DLG2: variants seen among roughly 807,000 people sequenced by gnomAD.
DLG2 encodes discs large MAGUK scaffold protein 2.
Under a neutral mutation model 132.5 loss-of-function variants are expected in DLG2, and 45 were observed. The ratio of observed to expected loss-of-function variants is 0.34; its 90% CI spans 0.27 to 0.44. DLG2 has a LOEUF of 0.44. DLG2 is among the 20% of genes least tolerant of loss of function. The pLI is 1.00. For missense variants in DLG2, 1,045 were observed against 1,196.9 expected (o/e 0.87, Z 1.87); for synonymous variants, 424 against 419.6 (o/e 1.01, Z -0.13).
intron 6 of DLG2, among the ~76,000 whole-genome samples, chr11:84,859,277 T>C (rs1360611274): frequency 2.0e-5 from 3 of 149,174 alleles, no homozygotes; most frequent in Non-Finnish European, 3.0e-5. Context: ...GTTTTATATA[T>C]GTATATATGT....
intron 6 of DLG2, among the ~76,000 whole-genome samples, chr11:85,047,452 A>G (rs925843873): frequency 6.6e-6 from 1 of 152,118 alleles, no homozygotes; most frequent in Admixed American, 6.6e-5. Flanking sequence ...ACAATGATCA[A>G]TTTGACCTTT....
chr11:84,502,204 TTCCTTCCTTCCTTCCTTCCTTCC>T, intron 7 of DLG2, among the ~76,000 whole-genome samples: 1 of 5,276 alleles, frequency 1.9e-4, no homozygotes, highest in East Asian at 2.0e-3. Flanking sequence ...CTCTCTCTCC[TTCCTTCCTTCCTTCCTTCCTTCC>T]TTCCTTCCTT....
At chr11:83,664,548 G>T (rs759222038) in intron 18 of DLG2, among the ~76,000 whole-genome samples, 3 of 152,008 alleles carry the variant, frequency 2.0e-5, no homozygotes, top group Middle Eastern at 3.2e-3. Flanking sequence ...AGGAATGAAT[G>T]AGGTCATGGA....
chr11:84,855,512 C>T (rs1233895706), intron 6 of DLG2, among the ~76,000 whole-genome samples: 1 of 152,002 alleles, frequency 6.6e-6, no homozygotes, highest in Non-Finnish European at 1.5e-5. Context: ...TCAAAACTCT[C>T]CCATATTTCT....
chr11:85,314,047 A>G (rs1032046635), intron 3 of DLG2, among the ~76,000 whole-genome samples: 1 of 151,996 alleles, frequency 6.6e-6, no homozygotes, highest in Non-Finnish European at 1.5e-5. Context: ...AATGAAACAA[A>G]AAGTAAAGAA....
rs567213381 is a variant in DLG2 at position 84,205,476 on chromosome 11, T to C, written c.574-41965A>G. On this transcript the variant is annotated intron_variant, in intron 8 of 27. Coordinates refer to ENST00000376104, the MANE Select transcript of DLG2 (RefSeq NM_001142699.3). Reference sequence around the variant, plus strand: ...AAACACTCATCAAGTAAGACTACACTGGGCCATAAAACAAATCTCAATAAA... The same window carrying C: ...AAACACTCATCAAGTAAGACTACACCGGGCCATAAAACAAATCTCAATAAA... Among the ~76,000 whole-genome samples, 10 of 151,962 alleles carry C rather than the reference T, an allele frequency of 6.6e-5. 1 individual carries two copies. In the South Asian group the frequency reaches 2.1e-3, roughly 32 times the overall value.
At chr11:83,507,397 G>T in intron 21 of DLG2, among the ~76,000 whole-genome samples, 1 of 115,206 alleles carries the variant, frequency 8.7e-6, no homozygotes, top group South Asian at 2.6e-4. Context: ...AGAACAAATA[G>T]GATATATATA....
At chr11:84,333,188 G>T (rs1322886602) in intron 7 of DLG2, among the ~76,000 whole-genome samples, 2 of 152,204 alleles carry the variant, frequency 1.3e-5, no homozygotes, top group African/African-American at 4.8e-5. Context: ...TTGGTCCAAT[G>T]AAAGGTCTTT....
At chr11:85,536,165 G>A (rs1470945117) in intron 3 of DLG2, among the ~76,000 whole-genome samples, 4 of 136,430 alleles carry the variant, frequency 2.9e-5, no homozygotes, top group Admixed American at 1.6e-4. Context: ...GCAGTGAGCC[G>A]AGATCACACC....
intron 19 of DLG2, among the ~76,000 whole-genome samples, chr11:83,597,689 G>A (rs2057842408): frequency 6.6e-6 from 1 of 152,058 alleles, no homozygotes; most frequent in Admixed American, 6.5e-5. Flanking sequence ...GGAGGCTGAG[G>A]TGGGAGGATC....
At chr11:84,808,031 A>G (rs558107381) in intron 6 of DLG2, among the ~76,000 whole-genome samples, 74 of 152,156 alleles carry the variant, frequency 4.9e-4, no homozygotes, top group Non-Finnish European at 9.1e-4. Context: ...ATAAAAAACT[A>G]GAAGAATACA....
At chr11:85,341,768 T>C (rs977647817) in intron 3 of DLG2, among the ~76,000 whole-genome samples, 3 of 152,060 alleles carry the variant, frequency 2.0e-5, no homozygotes, top group Non-Finnish European at 1.5e-5. Flanking sequence ...AATCATAGAG[T>C]GTACTTACAC....
chr11:83,514,321 C>T (rs1019743410), intron 21 of DLG2, among the ~76,000 whole-genome samples: 10 of 152,044 alleles, frequency 6.6e-5, no homozygotes, highest in Admixed American at 5.9e-4. Context: ...CATGATTTGG[C>T]TCTCTGTTTG....
At chr11:84,686,609 A>G (rs1430890862) in intron 6 of DLG2, among the ~76,000 whole-genome samples, 1 of 149,742 alleles carries the variant, frequency 6.7e-6, no homozygotes. Flanking sequence ...TTGTAACCAA[A>G]TTCTTTCAAC....
chr11:84,160,111 G>C (rs1596353988), intron 9 of DLG2, among the ~76,000 whole-genome samples: 1 of 152,098 alleles, frequency 6.6e-6, no homozygotes, highest in East Asian at 1.9e-4. Context: ...CATTCAGGGA[G>C]ATGTCATGGC....
chr11:84,173,643 A>T (rs2095872644), intron 8 of DLG2, among the ~76,000 whole-genome samples: 1 of 152,190 alleles, frequency 6.6e-6, no homozygotes, highest in Non-Finnish European at 1.5e-5. Flanking sequence ...AGCATGAGGG[A>T]AAATATCAAT....
chr11:84,666,963 T>C (rs1287926635), intron 6 of DLG2, among the ~76,000 whole-genome samples: 1 of 152,144 alleles, frequency 6.6e-6, no homozygotes, highest in Non-Finnish European at 1.5e-5. Context: ...AAAATTTATG[T>C]GTTGTCCTAT....
intron 7 of DLG2, among the ~76,000 whole-genome samples, chr11:84,443,518 TGAG>T (rs2099023703): frequency 6.6e-6 from 1 of 152,156 alleles, no homozygotes; most frequent in Non-Finnish European, 1.5e-5. Flanking sequence ...GTAATTTAAA[TGAG>T]TAGTATATAT....
At chr11:83,466,513 A>G (rs2091066900) in intron 26 of DLG2, among the ~76,000 whole-genome samples, 195 bp downstream of exon 26, 1 of 152,238 alleles carries the variant, frequency 6.6e-6, no homozygotes, top group Non-Finnish European at 1.5e-5. Flanking sequence ...GGGATGTTAA[A>G]AAAAGAAATC....
Sources: allele counts gnomAD v4.1 joint callset (sites outside exome capture counted in the v4.1 genomes callset), GRCh38; gene constraint gnomAD v4.1.1; transcripts MANE v1.5; gene names NCBI Gene and HGNC (gene_info 2026-07-23, HGNC 2026-07-21).